SDK1: variants seen among roughly 807,000 people sequenced by gnomAD.
The protein encoded by SDK1 is protein sidekick-1.
A neutral mutation model predicts 245.5 loss-of-function variants in SDK1; 157 were observed. The ratio of observed to expected loss-of-function variants is 0.64; its 90% confidence interval spans 0.56 to 0.73. SDK1 has a LOEUF of 0.73. SDK1 is among the 30% of genes least tolerant of loss of function. SDK1 has a pLI of 0.00. For synonymous variants in SDK1, 1,647 were observed against 1,278.5 expected (o/e 1.29, Z -6.15); for missense variants, 3,583 against 3,002.3 (o/e 1.19, Z -4.52).
intron 4 of SDK1, among the ~76,000 whole-genome samples, chr7:3,784,354 A>G (rs968148482): frequency 2.6e-5 from 4 of 152,104 alleles, no homozygotes; most frequent in African/African-American, 4.8e-5. Flanking sequence ...TTCACACCAT[A>G]TATTAATATA....
At chr7:3,457,386 C>G (rs994985021) in intron 1 of SDK1, among the ~76,000 whole-genome samples, 2 of 152,052 alleles carry the variant, frequency 1.3e-5, no homozygotes, top group African/African-American at 4.8e-5. Context: ...ATTCTTGTGC[C>G]TTTCCCGAGC....
intron 27 of SDK1, 99 bp downstream of exon 27, chr7:4,130,196 C>G (rs1784709363): frequency 7.6e-7 from 1 of 1,314,282 alleles, no homozygotes; most frequent in Non-Finnish European, 1.0e-6. Context: ...ACTTAATTTT[C>G]AAACCACTTT....
rs1450526594 is a variant in SDK1 at position 4,077,084 on chromosome 7, C to G, written c.3097C>G (p.Gln1033Glu). Reference sequence around the variant, plus strand: ...CAGCACGACGCACGAGTACAAGATCCAAGGCCTCTCATCTCTCACCACCTA... The same window carrying G: ...CAGCACGACGCACGAGTACAAGATCGAAGGCCTCTCATCTCTCACCACCTA... ...LNSTTHEYKI[Q>E]GLSSLTTYTI... Residue 1033 changes from glutamine (Q) to glutamate (E), a missense_variant, in exon 21 of 45, where the codon CAA becomes GAA. Transcript: ENST00000404826. 3.7e-6 allele frequency: 6 copies of G among 1,614,088 alleles called. No homozygotes were observed. The African/African-American group carries it at 8.0e-5, about 22-fold the overall frequency.
intron 1 of SDK1, among the ~76,000 whole-genome samples, chr7:3,341,451 G>A (rs1231927298): frequency 3.3e-5 from 5 of 152,122 alleles, no homozygotes; most frequent in Non-Finnish European, 7.3e-5. Context: ...ACAAGGCCAG[G>A]ATGTTCAGTC....
At chr7:3,626,177 C>T (rs780123527) in intron 2 of SDK1, among the ~76,000 whole-genome samples, 1 of 151,876 alleles carries the variant, frequency 6.6e-6, no homozygotes, top group East Asian at 1.9e-4. Context: ...TGGTCTCAAG[C>T]AGTCCTCCTG....
chr7:4,038,752 T>G (rs961188984), intron 17 of SDK1, among the ~76,000 whole-genome samples: 6 of 152,224 alleles, frequency 3.9e-5, no homozygotes, highest in African/African-American at 1.4e-4. Flanking sequence ...GACACAGTTG[T>G]GGTCCACTCA....
At position 3,456,948 on chromosome 7, in the gene SDK1, C is replaced by T. The variant is rs1780687514; in HGVS notation, c.298+155064C>T. On this transcript the variant is annotated intron_variant, in intron 1 of 44. Transcript: ENST00000404826. ...AGCGTTTGTCTTGCTGTTTGGGTGT[C>T]TTTTGTTCATCTGCTGCCGATAGGA... Among the ~76,000 whole-genome samples the T allele has an allele frequency of 3.3e-5, 5 of 152,104 alleles. 1 individual carries two copies. The highest frequency in any genetic ancestry group is 7.4e-5 in the Non-Finnish European group (5 of 68,020).
At position 3,551,181 on chromosome 7, in the gene SDK1, C is replaced by T. The variant is rs138811992; in HGVS notation, c.299-67899C>T. Among the ~76,000 whole-genome samples the T allele has an allele frequency of 7.1e-3, 1,080 of 152,204 alleles. 3 individuals carry two copies. The highest frequency in any genetic ancestry group is 0.012 in the Non-Finnish European group (805 of 68,016). Reference sequence around the variant, plus strand: ...TCAGGAGTTACAACCCGGCCAACACCGGGGGTGGGGGGCCCAACATCACAC... The same window carrying T: ...TCAGGAGTTACAACCCGGCCAACACTGGGGGTGGGGGGCCCAACATCACAC... On this transcript the variant is annotated intron_variant, in intron 1 of 44. Transcript: ENST00000404826.
intron 5 of SDK1, among the ~76,000 whole-genome samples, chr7:3,936,886 G>A (rs1198091900): frequency 6.6e-6 from 1 of 152,146 alleles, no homozygotes; most frequent in Non-Finnish European, 1.5e-5. Flanking sequence ...GGAGAGAGCT[G>A]TTACAGGTGG....
At chr7:3,745,119 A>G (rs1453602335) in intron 4 of SDK1, among the ~76,000 whole-genome samples, 1 of 152,226 alleles carries the variant, frequency 6.6e-6, no homozygotes, top group Non-Finnish European at 1.5e-5. Context: ...AATCTTTGGA[A>G]TGTTTTGAAC....
At chr7:3,870,187 G>A (rs2057920) in intron 5 of SDK1, among the ~76,000 whole-genome samples, 38,247 of 152,102 alleles carry the variant, frequency 0.25, 5,741 homozygotes, top group African/African-American at 0.42. Context: ...CCATAAAGAT[G>A]TTATAAACTA....
chr7:3,500,020 C>T (rs1433580109), intron 1 of SDK1, among the ~76,000 whole-genome samples: 1 of 152,102 alleles, frequency 6.6e-6, no homozygotes, highest in African/African-American at 2.4e-5. Flanking sequence ...GTGATTAGGA[C>T]AAGTAGCCAT....
At chr7:3,929,230 C>G (rs1047898855) in intron 5 of SDK1, among the ~76,000 whole-genome samples, 1 of 152,242 alleles carries the variant, frequency 6.6e-6, no homozygotes, top group Non-Finnish European at 1.5e-5. Context: ...CCGCCAAATT[C>G]CGTCACTGAT....
intron 4 of SDK1, among the ~76,000 whole-genome samples, chr7:3,770,150 T>C (rs994245280): frequency 1.3e-5 from 2 of 152,102 alleles, no homozygotes; most frequent in Non-Finnish European, 2.9e-5. Flanking sequence ...CTGTTCTGTA[T>C]CTGGACTGTA....
chr7:3,637,219 C>T (rs1782487719), intron 2 of SDK1, among the ~76,000 whole-genome samples: 2 of 152,008 alleles, frequency 1.3e-5, no homozygotes, highest in African/African-American at 4.8e-5. Flanking sequence ...TGTTTCAGCC[C>T]CCCAGGTAGC....
At chr7:3,514,031 C>G (rs1359644045) in intron 1 of SDK1, among the ~76,000 whole-genome samples, 1 of 152,110 alleles carries the variant, frequency 6.6e-6, no homozygotes, top group Non-Finnish European at 1.5e-5. Context: ...TTCAGTCCAC[C>G]ATTGATAGGC....
At chr7:4,164,137 C>T (rs759368011) in intron 32 of SDK1, among the ~76,000 whole-genome samples, 4 of 152,188 alleles carry the variant, frequency 2.6e-5, no homozygotes, top group Admixed American at 6.5e-5. Flanking sequence ...TGGCACTCAG[C>T]CCTACTGAGT....
At chr7:3,607,203 C>A (rs986887496) in intron 1 of SDK1, among the ~76,000 whole-genome samples, 1 of 151,698 alleles carries the variant, frequency 6.6e-6, no homozygotes, top group Non-Finnish European at 1.5e-5. Flanking sequence ...TGCTGCTGAT[C>A]ATTTCCTTTT....
chr7:3,409,261 T>C (rs986687448), intron 1 of SDK1, among the ~76,000 whole-genome samples: 6 of 151,746 alleles, frequency 4.0e-5, no homozygotes, highest in African/African-American at 1.5e-4. Flanking sequence ...CGCCTCCCCT[T>C]TCCCTTATGA....
Sources: allele counts gnomAD v4.1 joint callset (sites outside exome capture counted in the v4.1 genomes callset), GRCh38; gene constraint gnomAD v4.1.1; transcripts MANE v1.5; gene names NCBI Gene and HGNC (gene_info 2026-07-23, HGNC 2026-07-21).